Variants in RAD51B observed in about 807,000 individuals in gnomAD.
RAD51B encodes the protein DNA repair protein RAD51 homolog 2.
Under a neutral mutation model 42.2 loss-of-function variants are expected in RAD51B, and 38 were observed. The observed-to-expected ratio is 0.90, with a 90% CI of 0.70 to 1.18. The LOEUF is 1.18. Among genes scored for constraint, RAD51B ranks in the 50% most tolerant of loss-of-function variants. RAD51B has a pLI of 0.00. For synonymous variants in RAD51B, 154 were observed against 145.2 expected (o/e 1.06, Z -0.43); for missense variants, 373 against 400.7 (o/e 0.93, Z 0.59).
At chr14:68,667,332 G>T (rs142318735) in intron 11 of RAD51B, among the ~76,000 whole-genome samples, 3 of 152,332 alleles carry the variant, frequency 2.0e-5, no homozygotes, top group African/African-American at 4.8e-5. Context: ...TTCTTCTTCA[G>T]GAAACCTCAG....
chr14:67,827,450 A>G (rs2040871399), intron 3 of RAD51B, among the ~76,000 whole-genome samples: 1 of 149,582 alleles, frequency 6.7e-6, no homozygotes, highest in South Asian at 2.1e-4. Flanking sequence ...GCACTGCCCT[A>G]AACACTGGCT....
At chr14:68,616,212 T>C (rs1891823194), downstream of RAD51B, among the ~76,000 whole-genome samples, 1 of 152,218 alleles carries the variant, frequency 6.6e-6, no homozygotes, top group Non-Finnish European at 1.5e-5. Flanking sequence ...TGTTTCCCAT[T>C]TCTGGTGCTC....
At chr14:67,914,864 A>G (rs1297669464) in intron 7 of RAD51B, among the ~76,000 whole-genome samples, 1 of 152,152 alleles carries the variant, frequency 6.6e-6, no homozygotes, top group Admixed American at 6.5e-5. Context: ...GGTGATATCT[A>G]CCTTCTTGTT....
chr14:68,325,143 C>T (rs2082225272), intron 8 of RAD51B, among the ~76,000 whole-genome samples: 1 of 152,178 alleles, frequency 6.6e-6, no homozygotes, highest in Non-Finnish European at 1.5e-5. Context: ...GAGCAGTCTG[C>T]TAATCCTCCT....
chr14:68,172,358 G>A (rs978482992), intron 7 of RAD51B, among the ~76,000 whole-genome samples: 4 of 152,190 alleles, frequency 2.6e-5, no homozygotes, highest in African/African-American at 9.7e-5. Flanking sequence ...TGTAAACAGA[G>A]CCAGATACCG....
intron 7 of RAD51B, among the ~76,000 whole-genome samples, chr14:68,251,960 C>A (rs140018900): frequency 1.3e-5 from 2 of 152,170 alleles, no homozygotes; most frequent in East Asian, 1.9e-4. Context: ...TTTGGGGAAG[C>A]CTTCATAATT....
chr14:68,214,805 C>G (rs2079780512), intron 7 of RAD51B, among the ~76,000 whole-genome samples: 1 of 152,212 alleles, frequency 6.6e-6, no homozygotes, highest in South Asian at 2.1e-4. Flanking sequence ...TCCCCCAGGA[C>G]TCAATTTGTA....
intron 9 of RAD51B, chr14:68,421,788 G>T: frequency 6.3e-7 from 1 of 1,598,154 alleles, no homozygotes; most frequent in South Asian, 1.1e-5. Context: ...CACAATATTC[G>T]TGCCTTCTTT....
chr14:68,123,756 C>T (rs1026443853), intron 7 of RAD51B, among the ~76,000 whole-genome samples: 3 of 152,018 alleles, frequency 2.0e-5, no homozygotes, highest in African/African-American at 7.3e-5. Context: ...TGCAGTGAGC[C>T]GAGATTGCGC....
chr14:68,546,236 G>A (rs138282083), intron 10 of RAD51B, among the ~76,000 whole-genome samples: 1 of 152,354 alleles, frequency 6.6e-6, no homozygotes, highest in African/African-American at 2.4e-5. Flanking sequence ...CAGCAGAGAG[G>A]TGCTGAGAGC....
intron 5 of RAD51B, among the ~76,000 whole-genome samples, chr14:67,876,929 T>C (rs2042747400): frequency 6.6e-6 from 1 of 152,142 alleles, no homozygotes; most frequent in South Asian, 2.1e-4. Flanking sequence ...GGATATTGTT[T>C]TGGGGTTTGA....
intron 9 of RAD51B, among the ~76,000 whole-genome samples, chr14:68,443,036 GT>G (rs1162223819): frequency 1.3e-5 from 2 of 152,156 alleles, no homozygotes; most frequent in African/African-American, 2.4e-5. Flanking sequence ...AGGAGTCCTG[GT>G]TTTGGTTTCT....
At chr14:68,393,936 A>AT (rs898142785) in intron 8 of RAD51B, among the ~76,000 whole-genome samples, 7 of 152,074 alleles carry the variant, frequency 4.6e-5, no homozygotes, top group Non-Finnish European at 8.8e-5. Context: ...GGTCTTTCTC[A>AT]TTTTTAGGGC....
chr14:68,363,704 G>A (rs2083079921), intron 8 of RAD51B, among the ~76,000 whole-genome samples: 1 of 152,206 alleles, frequency 6.6e-6, no homozygotes. Flanking sequence ...GCATACATGC[G>A]ATGCTGTAAC....
chr14:68,417,253 C>G (rs2084584181), intron 9 of RAD51B, among the ~76,000 whole-genome samples: 1 of 152,060 alleles, frequency 6.6e-6, no homozygotes, highest in African/African-American at 2.4e-5. Flanking sequence ...TGTTTTTAGG[C>G]AAGGAGGATT....
chr14:68,595,477 A>C (rs1278341560), exon 11 of RAD51B: 1 of 1,066,648 alleles, frequency 9.4e-7, no homozygotes, highest in Non-Finnish European at 1.1e-6. Context: ...GGCCACTCCT[A>C]GCTTGAGTAG....
chr14:68,353,021 G>A lies in RAD51B; in HGVS notation c.854-58403G>A, dbSNP rs188558741. ...TCAATGTTTCAGTCCTGAAGCAAGCGCACAGCTCATTGGAAGTTTCTAAGG... is the reference window on the plus strand; with the variant it reads ...TCAATGTTTCAGTCCTGAAGCAAGCACACAGCTCATTGGAAGTTTCTAAGG... On this transcript the variant is annotated intron_variant, in intron 8 of 10. Coordinates refer to ENST00000471583, the MANE Select transcript of RAD51B (RefSeq NM_133510.4). Among the ~76,000 whole-genome samples, 355 of 152,248 alleles carry A rather than the reference G, an allele frequency of 2.3e-3. 1 individual carries two copies. The highest frequency in any genetic ancestry group is 8.1e-3 in the African/African-American group (338 of 41,532).
intron 10 of RAD51B, among the ~76,000 whole-genome samples, chr14:68,492,210 T>C (rs1408759408): frequency 6.6e-6 from 1 of 152,180 alleles, no homozygotes; most frequent in Non-Finnish European, 1.5e-5. Context: ...ACTGACCCAC[T>C]TAAAATTGCA....
intron 7 of RAD51B, among the ~76,000 whole-genome samples, chr14:68,111,918 C>T (rs1301878685): frequency 6.6e-6 from 1 of 152,144 alleles, no homozygotes; most frequent in Non-Finnish European, 1.5e-5. Flanking sequence ...ATGTTCCTCT[C>T]TGTTCCCCTA....
Sources: allele counts gnomAD v4.1 joint callset (sites outside exome capture counted in the v4.1 genomes callset), GRCh38; gene constraint gnomAD v4.1.1; transcripts MANE v1.5; gene names NCBI Gene and HGNC (gene_info 2026-07-23, HGNC 2026-07-21).